FARS2: variants seen among roughly 807,000 people sequenced by gnomAD.
The protein encoded by FARS2 is phenylalanyl-tRNA synthetase 2, mitochondrial.
Under a neutral mutation model 46.4 loss-of-function variants are expected in FARS2, and 40 were observed. That is an observed-to-expected ratio of 0.86 (90% CI 0.67 to 1.12). FARS2 has a LOEUF of 1.12. FARS2 is among the 50% of genes most tolerant of loss of function. The probability of loss-of-function intolerance (pLI) is 0.00; values close to 1 mark genes in which losing one functional copy is unlikely to be tolerated. For missense variants in FARS2, 513 were observed against 567.9 expected (o/e 0.90, Z 0.98); for synonymous variants, 234 against 214.9 (o/e 1.09, Z -0.78).
At chr6:5,356,024 A>T (rs2552296) in intron 1 of FARS2, among the ~76,000 whole-genome samples, 1 of 151,896 alleles carries the variant, frequency 6.6e-6, no homozygotes, top group Admixed American at 6.5e-5. Flanking sequence ...GCATGTTCCC[A>T]GCTGAGGTTG....
Position 5,613,309 on chromosome 6 carries a change from T to C in FARS2, c.1206T>C (p.Phe402=). ...AAAAGGTTGATCTCATAGACAAGTTTGTACATCCAAAGTAAGTGAAAAGCT... is the reference window on the plus strand; with the variant it reads ...AAAAGGTTGATCTCATAGACAAGTTCGTACATCCAAAGTAAGTGAAAAGCT... ...LVEKVDLIDK[F]VHPKTHKTSH... The change falls in exon 6 of 7, where the codon TTT becomes TTC. Residue 402 remains phenylalanine (F), a synonymous_variant. Coordinates refer to ENST00000274680, the MANE Select transcript of FARS2 (RefSeq NM_006567.5). 1 of 1,612,870 alleles carries C rather than the reference T, an allele frequency of 6.2e-7. No individual in the cohort carries two copies. Among genetic ancestry groups the C allele is most frequent in the Non-Finnish European group, 8.5e-7 (1 of 1,179,570 alleles).
At chr6:5,611,516 A>G (rs112388449) in intron 5 of FARS2, among the ~76,000 whole-genome samples, 5,342 of 152,288 alleles carry the variant, frequency 0.035, 295 homozygotes, top group African/African-American at 0.12. Flanking sequence ...TATGTCTCCC[A>G]TTCAAAAAAA....
chr6:5,533,573 C>T (rs1769995117), intron 4 of FARS2, among the ~76,000 whole-genome samples: 1 of 152,186 alleles, frequency 6.6e-6, no homozygotes, highest in Non-Finnish European at 1.5e-5. Context: ...GAAGATGCTG[C>T]CCTCATGCAC....
rs920009560 is a variant in FARS2 at position 5,562,929 on chromosome 6, G to C, written c.1065+17589G>C. On this transcript the variant is annotated intron_variant, in intron 5 of 6. Coordinates refer to ENST00000274680, the MANE Select transcript of FARS2 (RefSeq NM_006567.5). The stretch of plus-strand genomic sequence containing the variant: ...AGCGATTCTCCTGCCTAAGCCTCCC[G>C]AGTAGCTGGGATTACAGGCACCTGC... 5.3e-5 allele frequency among the ~76,000 whole-genome samples: 8 copies of C among 151,404 alleles called. No homozygotes were observed. In the East Asian group the frequency reaches 1.6e-3, roughly 29 times the overall value.
intron 6 of FARS2, among the ~76,000 whole-genome samples, chr6:5,659,027 CGCG>C (rs1777727866): frequency 6.6e-6 from 1 of 152,158 alleles, no homozygotes; most frequent in South Asian, 2.1e-4. Context: ...GCCCAGTGCC[CGCG>C]TTGGACTACA....
rs557535159 is a variant in FARS2, at chr6:5,407,602, G to GT, written c.772+2912dup. ...ACCATGTTTCAAATGGATTTATAAT[G>GT]TTTTTTTTTTTAAACTAAAGTTAAA... is the stretch of plus-strand genomic sequence containing the variant. On this transcript the variant is annotated intron_variant, in intron 3 of 6. Coordinates refer to ENST00000274680, the MANE Select transcript of FARS2 (RefSeq NM_006567.5). Among the ~76,000 whole-genome samples, 589 of 147,192 alleles carry GT rather than the reference G, an allele frequency of 4.0e-3. 5 individuals are homozygous for GT. The highest frequency in any genetic ancestry group is 0.019 in the East Asian group (96 of 5,050).
intron 4 of FARS2, among the ~76,000 whole-genome samples, chr6:5,528,774 C>T (rs1404419702): frequency 6.6e-6 from 1 of 152,194 alleles, no homozygotes; most frequent in African/African-American, 2.4e-5. Flanking sequence ...TTGTGTTTCC[C>T]TATAAAAGCA....
intron 6 of FARS2, among the ~76,000 whole-genome samples, chr6:5,670,263 A>G (rs1778383558): frequency 6.6e-6 from 1 of 152,184 alleles, no homozygotes; most frequent in African/African-American, 2.4e-5. Context: ...CTCCACCCAA[A>G]TAAGTTACAT....
chr6:5,418,584 C>T, intron 3 of FARS2, among the ~76,000 whole-genome samples: 1 of 152,180 alleles, frequency 6.6e-6, no homozygotes, highest in South Asian at 2.1e-4. Flanking sequence ...GTGGTTTGTT[C>T]CCTGACCTCA....
intron 5 of FARS2, among the ~76,000 whole-genome samples, chr6:5,599,407 G>A (rs1561742130): frequency 6.6e-6 from 1 of 152,194 alleles, no homozygotes; most frequent in Non-Finnish European, 1.5e-5. Flanking sequence ...CGTCTGAGAG[G>A]AAAAATAGAG....
intron 2 of FARS2, among the ~76,000 whole-genome samples, chr6:5,393,094 C>A (rs1320204168): frequency 6.6e-6 from 1 of 151,676 alleles, no homozygotes; most frequent in Non-Finnish European, 1.5e-5. Flanking sequence ...TCAACCATTC[C>A]CTAATATGTC....
chr6:5,388,806 C>A lies in FARS2; in HGVS notation c.613-15736C>A, dbSNP rs956224296. 4.6e-5 allele frequency among the ~76,000 whole-genome samples: 7 copies of A among 151,858 alleles called. No homozygotes were observed. In the South Asian group the frequency reaches 6.3e-4, roughly 14 times the overall value. ...ATGGATCTGTATTTTCTCCAAGTGC[C>A]TTTTTCTGTTGTCGGTGGGCAGTTG... On this transcript the variant is annotated intron_variant, in intron 2 of 6. Coordinates refer to ENST00000274680, the MANE Select transcript of FARS2 (RefSeq NM_006567.5).
chr6:5,504,905 A>C (rs1365034081), intron 4 of FARS2, among the ~76,000 whole-genome samples: 1 of 152,072 alleles, frequency 6.6e-6, no homozygotes, highest in African/African-American at 2.4e-5. Context: ...GGCTCACTGC[A>C]GTCTTTGCCA....
rs1762730174 is a variant in FARS2, at chr6:5,765,972, C to T, written c.1218-5319C>T. On this transcript the variant is annotated intron_variant, in intron 6 of 6. Coordinates refer to ENST00000274680, the MANE Select transcript of FARS2 (RefSeq NM_006567.5). The surrounding 1 kb of genome is among the most constrained non-coding windows in gnomAD (Gnocchi z 4.0). ...CTATACCAAAATCTTTAAAAAAAAT[C>T]AAACTCTATCCAGTGACCAACTCAT... 1.3e-5 allele frequency among the ~76,000 whole-genome samples: 2 copies of T among 152,172 alleles called. No homozygotes were observed. Among genetic ancestry groups the T allele is most frequent in the Admixed American group, 6.5e-5 (1 of 15,288 alleles).
chr6:5,742,278 G>C (rs918007742), intron 6 of FARS2, among the ~76,000 whole-genome samples: 11 of 152,104 alleles, frequency 7.2e-5, no homozygotes, highest in Non-Finnish European at 1.5e-4. Flanking sequence ...TAATCGTCAC[G>C]CTTAACTCCC....
intron 5 of FARS2, among the ~76,000 whole-genome samples, chr6:5,547,008 A>G (rs1771070868): frequency 1.3e-5 from 2 of 151,646 alleles, no homozygotes; most frequent in East Asian, 1.9e-4. Context: ...CTGGAGTGCA[A>G]TGGCATGATC....
In FARS2 at chr6:5,585,573, G is replaced by A. The variant is rs187183658; in HGVS notation, c.1066-27596G>A. On this transcript the variant is annotated intron_variant, in intron 5 of 6. Coordinates refer to ENST00000274680, the MANE Select transcript of FARS2 (RefSeq NM_006567.5). ...ATGTAAGTGAGATCATGTACTATTC[G>A]TCTTTATATGTCTGGCCTATTTCAC... 1.6e-3 allele frequency among the ~76,000 whole-genome samples: 240 copies of A among 151,412 alleles called. 1 individual carries two copies. The highest frequency in any genetic ancestry group is 5.5e-3 in the African/African-American group (228 of 41,208).
chr6:5,312,880 C>T (rs916553603), intron 1 of FARS2, among the ~76,000 whole-genome samples: 3 of 152,164 alleles, frequency 2.0e-5, no homozygotes, highest in Non-Finnish European at 2.9e-5. Context: ...ACGTTCCTGC[C>T]CCCAAAGAAT....
At chr6:5,303,888 A>G (rs1461073565) in intron 1 of FARS2, among the ~76,000 whole-genome samples, 1 of 150,398 alleles carries the variant, frequency 6.6e-6, no homozygotes, top group Non-Finnish European at 1.5e-5. Context: ...GACACTGCTC[A>G]TTTTTTGGCA....
Sources: allele counts gnomAD v4.1 joint callset (sites outside exome capture counted in the v4.1 genomes callset), GRCh38; gene constraint gnomAD v4.1.1; non-coding constraint Gnocchi (gnomAD v3.1); transcripts MANE v1.5; gene names NCBI Gene and HGNC (gene_info 2026-07-23, HGNC 2026-07-21).